Variants in GRIN2A observed in about 807,000 individuals in gnomAD.
GRIN2A encodes the protein glutamate receptor ionotropic, NMDA 2A.
GRIN2A carries 22 observed loss-of-function variants against 113.4 expected under a neutral mutation model. The observed-to-expected ratio is 0.19, with a 90% CI of 0.14 to 0.28. The LOEUF is 0.28. Among genes scored for constraint, GRIN2A ranks in the 10% least tolerant of loss-of-function variants. The probability of loss-of-function intolerance (pLI) is 1.00; values close to 1 mark genes in which losing one functional copy is unlikely to be tolerated. For missense variants in GRIN2A, 1,502 were observed against 1,887.0 expected (o/e 0.80, Z 3.78); for synonymous variants, 827 against 738.4 (o/e 1.12, Z -1.94).
intron 2 of GRIN2A, among the ~76,000 whole-genome samples, chr16:10,002,060 G>C (rs2046330088): frequency 6.6e-6 from 1 of 152,108 alleles, no homozygotes; most frequent in African/African-American, 2.4e-5. Flanking sequence ...ATTACCACTA[G>C]AGAAAAAGCT....
chr16:9,923,899 G>C (rs895853507), intron 3 of GRIN2A, among the ~76,000 whole-genome samples: 6 of 151,974 alleles, frequency 3.9e-5, no homozygotes, highest in Non-Finnish European at 8.8e-5. Flanking sequence ...GGCCAAGGTG[G>C]GTGGATCACT....
intron 4 of GRIN2A, among the ~76,000 whole-genome samples, chr16:9,887,545 A>C (rs2043608687): frequency 6.6e-6 from 1 of 152,236 alleles, no homozygotes; most frequent in Admixed American, 6.5e-5. Context: ...CTGTTTTATT[A>C]ATATACCATA....
Position 9,943,252 on chromosome 16 carries a change from C to T in GRIN2A, c.415-4701G>A, listed in dbSNP as rs1280056706. ...GAGAGGAACAGATTTCATACACCCA[C>T]TTTGGTTCTGAAGCAAAAGCACTTC... On this transcript the variant is annotated intron_variant, in intron 2 of 12. Coordinates refer to ENST00000330684, the MANE Select transcript of GRIN2A (RefSeq NM_001134407.3). The T allele has an allele frequency of 2.6e-5, 4 of 152,230 alleles. No homozygotes were observed. In the East Asian group the frequency reaches 7.7e-4, roughly 29 times the overall value. The allele number at this position is 152,230 out of a possible 1,614,324, so 9.4% of individuals were successfully genotyped here. A position where few individuals can be genotyped will look rare whatever the true frequency, so the allele number is the denominator to read the frequency against.
At chr16:10,059,088 A>C (rs1296338656) in intron 2 of GRIN2A, among the ~76,000 whole-genome samples, 3 of 152,230 alleles carry the variant, frequency 2.0e-5, no homozygotes, top group Non-Finnish European at 4.4e-5. Context: ...CTTGGGCATC[A>C]GAAGAACAGG....
intron 2 of GRIN2A, among the ~76,000 whole-genome samples, chr16:10,001,133 G>C (rs1166586981): frequency 6.6e-6 from 1 of 152,194 alleles, no homozygotes; most frequent in East Asian, 1.9e-4. Context: ...CTTCGCCTCA[G>C]TTTCCTTATC....
rs552507855 is a variant in GRIN2A, at chr16:9,947,672, A to G, written c.415-9121T>C. ...CTTTGGGAGTCTGTATGTTCCTGTT[A>G]TCAAAGGCACAGACACTGGTACCAA... On this transcript the variant is annotated intron_variant, in intron 2 of 12. Transcript: ENST00000330684. 9.2e-5 allele frequency among the ~76,000 whole-genome samples: 14 copies of G among 152,308 alleles called. No individual in the cohort carries two copies. The East Asian group carries it at 2.3e-3, about 25-fold the overall frequency.
At chr16:10,119,181 G>GA (rs146069605) in intron 2 of GRIN2A, among the ~76,000 whole-genome samples, 1 of 151,824 alleles carries the variant, frequency 6.6e-6, no homozygotes, top group African/African-American at 2.4e-5. Context: ...GAAGCTAAGG[G>GA]AAAAAAAGCC....
intron 12 of GRIN2A, among the ~76,000 whole-genome samples, chr16:9,767,175 C>A (rs937197124): frequency 6.6e-6 from 1 of 152,260 alleles, no homozygotes; most frequent in Middle Eastern, 3.4e-3. Flanking sequence ...TTTAAGCAAT[C>A]TATGTGTTTA....
Position 9,798,455 on chromosome 16 carries a change from G to T in GRIN2A, c.2178C>A (p.Asp726Glu). 1.2e-6 allele frequency: 2 copies of T among 1,613,844 alleles called. No homozygotes were observed. Among genetic ancestry groups the T allele is most frequent in the Middle Eastern group, 1.6e-4 (1 of 6,062 alleles). Residue 726 changes from aspartate (D) to glutamate (E), a missense_variant, in exon 11 of 13, where the codon GAC (aspartate) becomes GAA (glutamate). By Grantham distance (45) the Asp-to-Glu change is conservative. Coordinates refer to ENST00000330684, the MANE Select transcript of GRIN2A (RefSeq NM_001134407.3). ...ALVSLKTGKLDAFIYDAAVLN... is the reference protein window; with the variant it reads ...ALVSLKTGKLEAFIYDAAVLN... ...AGACTGCGGCATCGTAGATGAAAGC[G>T]TCCAGCTTCCTGAAATGACAAGAAA...
chr16:10,055,431 A>C (rs556467990), intron 2 of GRIN2A, among the ~76,000 whole-genome samples: 4 of 152,302 alleles, frequency 2.6e-5, no homozygotes, highest in African/African-American at 9.6e-5. Context: ...CCATTGATAA[A>C]TCCTGGTTTT....
At chr16:10,167,805 T>C (rs1004277966) in intron 2 of GRIN2A, among the ~76,000 whole-genome samples, 2 of 152,294 alleles carry the variant, frequency 1.3e-5, no homozygotes, top group East Asian at 1.9e-4. Context: ...GTGAAAGCAT[T>C]TGGAAAGCAA....
At chr16:10,093,759 C>A (rs1348028238) in intron 2 of GRIN2A, among the ~76,000 whole-genome samples, 1 of 152,322 alleles carries the variant, frequency 6.6e-6, no homozygotes, top group East Asian at 1.9e-4. Flanking sequence ...AGTTCCTCAC[C>A]TCTTGACTTT....
intron 9 of GRIN2A, among the ~76,000 whole-genome samples, chr16:9,823,591 A>C (rs2141297888): frequency 6.6e-6 from 1 of 152,346 alleles, no homozygotes; most frequent in African/African-American, 2.4e-5. Flanking sequence ...AACAATGACT[A>C]ACACTTTTTG....
intron 2 of GRIN2A, among the ~76,000 whole-genome samples, chr16:9,971,823 A>T (rs2650433): frequency 0.2 from 30,400 of 152,014 alleles, 3,338 homozygotes; most frequent in South Asian, 0.41. Context: ...GGAAAAAAAA[A>T]ATATACCTGA....
intron 2 of GRIN2A, among the ~76,000 whole-genome samples, chr16:9,978,382 A>G: frequency 1.3e-5 from 2 of 152,168 alleles, no homozygotes; most frequent in East Asian, 3.8e-4. Flanking sequence ...GAAAGGTGAT[A>G]ATTCCCAGCC....
chr16:9,940,302 A>T (rs183883612), intron 2 of GRIN2A, among the ~76,000 whole-genome samples: 1 of 152,168 alleles, frequency 6.6e-6, no homozygotes, highest in Non-Finnish European at 1.5e-5. Context: ...GCAGAGAAGA[A>T]ACAAGAATAA....
intron 2 of GRIN2A, among the ~76,000 whole-genome samples, chr16:9,944,121 A>G (rs2044958756): frequency 1.3e-5 from 2 of 152,154 alleles, no homozygotes; most frequent in South Asian, 4.2e-4. Context: ...CTGTCTGCCA[A>G]GAAAAGGAAA....
chr16:9,938,206 A>G lies in GRIN2A; in HGVS notation c.760T>C (p.Phe254Leu). The G allele has an allele frequency of 6.2e-7, 1 of 1,614,166 alleles. No homozygotes were observed. The highest frequency in any genetic ancestry group is 8.5e-7 in the Non-Finnish European group (1 of 1,179,982). The change falls in exon 3 of 13, where the codon TTC (phenylalanine) becomes CTC (leucine). Residue 254 changes from phenylalanine to leucine, a missense_variant. Phe to Leu is a conservative substitution (Grantham distance 22, BLOSUM62 0). This residue lies in a region of GRIN2A where 334 missense variants were observed against 403.0 expected (regional missense o/e 0.83). Transcript: ENST00000330684. ...GAGACCAAGCTGGGGACAATCCAGA[A>G]GAAATCATACCCGGTGAGGCCAAGG... ...RSLGLTGYDF[F>L]WIVPSLVSGN... is the part of the protein sequence containing the mutation.
chr16:9,962,315 G>A (rs1410413085), intron 2 of GRIN2A, among the ~76,000 whole-genome samples: 3 of 152,092 alleles, frequency 2.0e-5, no homozygotes, highest in African/African-American at 7.2e-5. Flanking sequence ...CACCATCAGA[G>A]TGAACAGGCA....
Sources: gnomAD v4.1 joint callset for allele counts (sites outside exome capture counted in the v4.1 genomes callset) on GRCh38, gnomAD v4.1.1 for gene constraint, gnomAD v4.1.1 regional missense constraint, MANE v1.5 for transcripts, NCBI Gene and HGNC (gene_info 2026-07-23, HGNC 2026-07-21) for gene names.